The following HS3ST3A1 variants were observed in gnomAD, a reference collection of about 807,000 sequenced individuals.
The protein encoded by HS3ST3A1 is heparan sulfate glucosamine 3-O-sulfotransferase 3A1.
In HS3ST3A1, 19 loss-of-function variants were observed where a neutral mutation model predicts 25.7. The ratio of observed to expected loss-of-function variants is 0.74; its 90% CI spans 0.52 to 1.08. HS3ST3A1 has a LOEUF of 1.08. Ranked by LOEUF, HS3ST3A1 falls within the 50% of genes least tolerant of loss-of-function variation. The pLI is 0.00. For synonymous variants in HS3ST3A1, 226 were observed against 278.6 expected (o/e 0.81, Z 1.88); for missense variants, 459 against 594.3 (o/e 0.77, Z 2.37).
Position 13,600,679 on chromosome 17 carries a change from G to C in HS3ST3A1, c.451C>G (p.Gln151Glu), listed in dbSNP as rs367571505. Residue 151 changes from glutamine to glutamate, a missense_variant, in exon 1 of 2, where the codon CAG becomes GAG. Gln to Glu is a conservative substitution (Grantham distance 29). This residue lies in a region of HS3ST3A1 where 346 missense variants were observed against 303.9 expected (regional missense o/e 1.14). Coordinates refer to ENST00000284110, the MANE Select transcript of HS3ST3A1 (RefSeq NM_006042.3). ...LALLLDEGSK[Q>E]LPQAIIIGVK... ...CCGATGATGATGGCCTGCGGCAGCT[G>C]CTTGCTGCCTTCGTCCAGGAGCAGC... The C allele has an allele frequency of 1.9e-6, 3 of 1,584,926 alleles. No homozygotes were observed. The highest frequency in any genetic ancestry group is 2.3e-5 in the East Asian group (1 of 43,996).
chr17:13,507,457 T>G (rs998622634), intron 1 of HS3ST3A1, among the ~76,000 whole-genome samples: 2 of 152,230 alleles, frequency 1.3e-5, no homozygotes, highest in Non-Finnish European at 2.9e-5. Flanking sequence ...CCAGGGAACA[T>G]CAGAGTGACT....
intron 1 of HS3ST3A1, among the ~76,000 whole-genome samples, chr17:13,585,766 C>A (rs1908241298): frequency 6.6e-6 from 1 of 151,622 alleles, no homozygotes; most frequent in Non-Finnish European, 1.5e-5. Flanking sequence ...CAGCTTAACC[C>A]AGAGCGCTTT....
At chr17:13,559,776 G>T (rs1242920850) in intron 1 of HS3ST3A1, among the ~76,000 whole-genome samples, 1 of 151,818 alleles carries the variant, frequency 6.6e-6, no homozygotes, top group African/African-American at 2.4e-5. Context: ...CTATCCCTAA[G>T]GCAACTGAGG....
Position 13,600,821 on chromosome 17 carries a change from C to T in HS3ST3A1, c.309G>A (p.Ala103=). ...CCGCCTCCTCGCCGTCGTCGCGGGG[C>T]GCGGGCGGCCGGCGCCTCCGCCACT... ...LPQWRRRRPP[A]PRDDGEEAAW... is the part of the protein sequence containing the mutation. Residue 103 remains alanine, a synonymous_variant, in exon 1 of 2, where the codon GCG becomes GCA. Coordinates refer to ENST00000284110, the MANE Select transcript of HS3ST3A1 (RefSeq NM_006042.3). 1.4e-6 allele frequency: 2 copies of T among 1,412,254 alleles called. No individual in the cohort carries two copies. Among genetic ancestry groups the T allele is most frequent in the Non-Finnish European group, 1.8e-6 (2 of 1,096,006 alleles). 87.5% of individuals were successfully genotyped at this position (1,412,254 alleles called of 1,614,324 possible). A position where few individuals can be genotyped will look rare whatever the true frequency, so the allele number is the denominator to read the frequency against.
chr17:13,499,906 G>C (rs1905411302), intron 1 of HS3ST3A1, among the ~76,000 whole-genome samples: 1 of 152,120 alleles, frequency 6.6e-6, no homozygotes, highest in South Asian at 2.1e-4. Context: ...CTACCTGCAA[G>C]CTTCTTTCTG....
intron 1 of HS3ST3A1, among the ~76,000 whole-genome samples, chr17:13,545,662 G>T (rs768921241): frequency 6.6e-6 from 1 of 152,140 alleles, no homozygotes; most frequent in Non-Finnish European, 1.5e-5. Context: ...AGAAACCTCC[G>T]TTGCTCATGT....
intron 1 of HS3ST3A1, among the ~76,000 whole-genome samples, chr17:13,525,257 A>G (rs1231398358): frequency 3.3e-5 from 5 of 152,188 alleles, no homozygotes; most frequent in African/African-American, 1.2e-4. Context: ...GTGATGTCTT[A>G]ACTTTCTTTA....
chr17:13,545,071 T>C (rs970569431), intron 1 of HS3ST3A1, among the ~76,000 whole-genome samples: 9 of 152,150 alleles, frequency 5.9e-5, no homozygotes, highest in African/African-American at 2.2e-4. Context: ...AAATAATCAG[T>C]TTGGTAGTAA....
chr17:13,539,231 C>T (rs1157954516), intron 1 of HS3ST3A1, among the ~76,000 whole-genome samples: 1 of 152,226 alleles, frequency 6.6e-6, no homozygotes, highest in Non-Finnish European at 1.5e-5. Flanking sequence ...CACAACATTG[C>T]TGCTGCCACA....
intron 1 of HS3ST3A1, among the ~76,000 whole-genome samples, chr17:13,548,622 G>T (rs1452869223): frequency 6.6e-6 from 1 of 152,166 alleles, no homozygotes; most frequent in Non-Finnish European, 1.5e-5. Flanking sequence ...AGGTGAAGCT[G>T]ACTGGGCTTC....
In HS3ST3A1 at chr17:13,601,130, C is replaced by A. The variant is rs768095439; in HGVS notation, c.-1G>T. On this transcript the variant is annotated 5_prime_UTR_variant, in exon 1 of 2. Coordinates refer to ENST00000284110, the MANE Select transcript of HS3ST3A1 (RefSeq NM_006042.3). ...CACTGGCCGGGCCCGGAGGGGCCATCCTAGCCGGAGGCGACGTCGGGCAAC... is the reference window on the plus strand; with the variant it reads ...CACTGGCCGGGCCCGGAGGGGCCATACTAGCCGGAGGCGACGTCGGGCAAC... 4.6e-6 allele frequency: 7 copies of A among 1,535,526 alleles called. No homozygotes were observed. Among genetic ancestry groups the A allele is most frequent in the Non-Finnish European group, 6.1e-6 (7 of 1,144,558 alleles).
At chr17:13,514,792 T>C (rs7207494) in intron 1 of HS3ST3A1, among the ~76,000 whole-genome samples, 40,994 of 152,098 alleles carry the variant, frequency 0.27, 5,828 homozygotes, top group East Asian at 0.42. Context: ...ATTCAGATGG[T>C]GGTGTTGGTT....
chr17:13,510,819 C>T (rs139979025), intron 1 of HS3ST3A1, among the ~76,000 whole-genome samples: 132 of 152,232 alleles, frequency 8.7e-4, no homozygotes, highest in Non-Finnish European at 1.7e-3. Flanking sequence ...AGTCTCCTGC[C>T]TCAGCCTCCC....
At chr17:13,542,932 C>T (rs962692719) in intron 1 of HS3ST3A1, among the ~76,000 whole-genome samples, 3 of 152,086 alleles carry the variant, frequency 2.0e-5, no homozygotes, top group African/African-American at 7.2e-5. Flanking sequence ...TGTGATGAGA[C>T]CTCTACAAGA....
rs763950649 is a variant in HS3ST3A1 at position 13,496,828 on chromosome 17, G to A, written c.600-10C>T. 1.0e-5 allele frequency: 16 copies of A among 1,607,552 alleles called. No individual in the cohort carries two copies. Among genetic ancestry groups the A allele is most frequent in the South Asian group, 4.4e-5 (4 of 90,164 alleles). ...TCTGGGCATCAGGTCCCTGAGAAAC[G>A]CAAAAAGGCATGTCAGAGATGTGCA... On this transcript the variant is annotated splice_polypyrimidine_tract_variant and intron_variant, in intron 1 of 1. Coordinates refer to ENST00000284110, the MANE Select transcript of HS3ST3A1 (RefSeq NM_006042.3).
intron 1 of HS3ST3A1, among the ~76,000 whole-genome samples, chr17:13,551,624 AAGG>A (rs1907248584): frequency 7.6e-6 from 1 of 131,004 alleles, no homozygotes; most frequent in Non-Finnish European, 1.7e-5. Context: ...AGAAAAAAAA[AAGG>A]GGGGGGGGTA....
At chr17:13,523,928 CT>C (rs1423415322) in intron 1 of HS3ST3A1, among the ~76,000 whole-genome samples, 1 of 151,872 alleles carries the variant, frequency 6.6e-6, no homozygotes, top group Non-Finnish European at 1.5e-5. Flanking sequence ...TTCATTCTTC[CT>C]ACCTTAATAT....
intron 1 of HS3ST3A1, among the ~76,000 whole-genome samples, chr17:13,589,581 T>C (rs762152314): frequency 2.0e-5 from 3 of 152,136 alleles, no homozygotes; most frequent in Non-Finnish European, 4.4e-5. Flanking sequence ...TGGCCTTTCT[T>C]TCTTAAAACA....
chr17:13,541,825 A>G (rs1230944996), intron 1 of HS3ST3A1, among the ~76,000 whole-genome samples: 2 of 152,172 alleles, frequency 1.3e-5, no homozygotes, highest in Non-Finnish European at 2.9e-5. Context: ...GATGGTTCAC[A>G]CACCTCCAGA....
Sources: allele counts gnomAD v4.1 joint callset (sites outside exome capture counted in the v4.1 genomes callset), GRCh38; gene constraint gnomAD v4.1.1; regional missense constraint gnomAD v4.1.1; transcripts MANE v1.5; gene names NCBI Gene and HGNC (gene_info 2026-07-23, HGNC 2026-07-21).